PLXNC1: variants seen among roughly 807,000 people sequenced by gnomAD.
The protein encoded by PLXNC1 is plexin C1, also known as plexin-C1.
PLXNC1 carries 75 observed loss-of-function variants against 178.2 expected under a neutral mutation model. The observed-to-expected ratio is 0.42, with a 90% CI of 0.35 to 0.51. The LOEUF (loss-of-function observed/expected upper bound fraction) is 0.51, where lower values mean the gene tolerates loss of function less well. Among genes scored for constraint, PLXNC1 ranks in the 20% least tolerant of loss-of-function variants. PLXNC1 has a pLI of 0.02. For synonymous variants in PLXNC1, 790 were observed against 779.9 expected (o/e 1.01, Z -0.22); for missense variants, 1,503 against 1,984.4 (o/e 0.76, Z 4.61).
chr12:94,249,473 A>T (rs1337145658), intron 14 of PLXNC1, among the ~76,000 whole-genome samples: 2 of 152,118 alleles, frequency 1.3e-5, no homozygotes, highest in Non-Finnish European at 2.9e-5. Context: ...GCCTCAAGTG[A>T]TCTGCCTGCC....
intron 4 of PLXNC1, among the ~76,000 whole-genome samples, chr12:94,192,369 C>T (rs565545741): frequency 1.3e-5 from 2 of 151,850 alleles, no homozygotes. Context: ...AAGTCCTATG[C>T]TCAGTGCTCA....
intron 1 of PLXNC1, among the ~76,000 whole-genome samples, chr12:94,151,746 TGGAGC>T (rs1960966855): frequency 6.6e-6 from 1 of 152,240 alleles, no homozygotes; most frequent in Admixed American, 6.5e-5. Flanking sequence ...TGTCGATGTG[TGGAGC>T]CAAAACATTT....
intron 1 of PLXNC1, 94 bp downstream of exon 1, chr12:94,150,127 C>T (rs1179746971): frequency 9.4e-7 from 1 of 1,060,688 alleles, no homozygotes; most frequent in East Asian, 2.9e-5. Context: ...AGCGGCGGGG[C>T]GGGGGTACAG....
At chr12:94,231,528 G>A (rs923079760) in intron 9 of PLXNC1, among the ~76,000 whole-genome samples, 2 of 152,106 alleles carry the variant, frequency 1.3e-5, no homozygotes, top group African/African-American at 4.8e-5. Context: ...CAAGGATCTG[G>A]TACTTATGAG....
chr12:94,177,239 A>G (rs1172629988), intron 2 of PLXNC1, among the ~76,000 whole-genome samples: 3 of 135,160 alleles, frequency 2.2e-5, no homozygotes, highest in Non-Finnish European at 4.7e-5. Context: ...ACATATATAT[A>G]TATATATATA....
At chr12:94,199,021 A>G (rs1592756727) in intron 4 of PLXNC1, among the ~76,000 whole-genome samples, 2 of 152,326 alleles carry the variant, frequency 1.3e-5, no homozygotes. Flanking sequence ...AACATGTCAC[A>G]GAGTAAACAG....
At chr12:94,183,493 G>A (rs1352992409) in intron 3 of PLXNC1, among the ~76,000 whole-genome samples, 1 of 152,172 alleles carries the variant, frequency 6.6e-6, no homozygotes, top group Admixed American at 6.5e-5. Context: ...CCATTCCCAG[G>A]GTTTATTTAT....
intron 4 of PLXNC1, among the ~76,000 whole-genome samples, chr12:94,191,958 C>T (rs1349632528): frequency 1.3e-5 from 2 of 152,076 alleles, no homozygotes; most frequent in South Asian, 4.1e-4. Flanking sequence ...TTCTCAGTTT[C>T]TCCCATATTG....
chr12:94,174,755 G>T (rs1312149959), intron 2 of PLXNC1, among the ~76,000 whole-genome samples: 1 of 152,214 alleles, frequency 6.6e-6, no homozygotes, highest in African/African-American at 2.4e-5. Context: ...GGATGACTGA[G>T]CTAACAGACC....
intron 1 of PLXNC1, among the ~76,000 whole-genome samples, chr12:94,158,682 G>C (rs1224030386): frequency 2.0e-5 from 3 of 152,270 alleles, no homozygotes; most frequent in South Asian, 2.1e-4. Context: ...CATATTTGTA[G>C]TCCAACTGCT....
At chr12:94,175,334 A>G (rs1962010984) in intron 2 of PLXNC1, among the ~76,000 whole-genome samples, 1 of 152,234 alleles carries the variant, frequency 6.6e-6, no homozygotes, top group African/African-American at 2.4e-5. Flanking sequence ...TTTGGCATAA[A>G]ATATTATAGC....
chr12:94,188,235 A>T (rs1962590762), intron 4 of PLXNC1, among the ~76,000 whole-genome samples: 1 of 152,116 alleles, frequency 6.6e-6, no homozygotes, highest in African/African-American at 2.4e-5. Context: ...GGGACAGCTT[A>T]GAGAAGCTTT....
chr12:94,165,580 G>GGTGCTCTTATCATCATTTCCATCA (rs1555194459), intron 1 of PLXNC1, among the ~76,000 whole-genome samples: 1 of 152,142 alleles, frequency 6.6e-6, no homozygotes. Flanking sequence ...AAGAACTGCA[G>GGTGCTCTTATCATCATTTCCATCA]TTTAGTGTCC....
intron 21 of PLXNC1, among the ~76,000 whole-genome samples, chr12:94,266,191 A>G (rs1158265591): frequency 6.6e-6 from 1 of 152,170 alleles, no homozygotes; most frequent in Non-Finnish European, 1.5e-5. Flanking sequence ...TGGAGAAGGC[A>G]CCACTTTGCC....
At chr12:94,265,321 T>C in intron 21 of PLXNC1, 96 bp downstream of exon 21, 2 of 1,124,484 alleles carry the variant, frequency 1.8e-6, no homozygotes, top group Non-Finnish European at 2.6e-6. Flanking sequence ...CGGTATCATC[T>C]CTACTGCGGG....
At chr12:94,176,139 C>T (rs2098150661) in intron 2 of PLXNC1, among the ~76,000 whole-genome samples, 1 of 152,200 alleles carries the variant, frequency 6.6e-6, no homozygotes, top group Admixed American at 6.5e-5. Context: ...ATGCAAAATT[C>T]AACCCGTTTT....
At chr12:94,294,451 T>C in intron 23 of PLXNC1, 35 bp from the exon 24 acceptor site, 4 of 941,834 alleles carry the variant, frequency 4.2e-6, no homozygotes, top group Non-Finnish European at 6.7e-6. Flanking sequence ...CCATTAAATT[T>C]TGAACACTCA....
At chr12:94,297,042 G>GA (rs765397556) in intron 24 of PLXNC1, 147 bp from the exon 25 acceptor site, 4 of 717,758 alleles carry the variant, frequency 5.6e-6, no homozygotes, top group African/African-American at 1.8e-5. Flanking sequence ...GCAGCAGGGG[G>GA]AAAAATGTAG....
At chr12:94,214,420 A>G (rs1963584516) in intron 5 of PLXNC1, among the ~76,000 whole-genome samples, 1 of 152,182 alleles carries the variant, frequency 6.6e-6, no homozygotes, top group South Asian at 2.1e-4. Flanking sequence ...GAACTAAAAC[A>G]AGGAATTCCA....
Sources: allele counts gnomAD v4.1 joint callset (sites outside exome capture counted in the v4.1 genomes callset), GRCh38; gene constraint gnomAD v4.1.1; transcripts MANE v1.5; gene names NCBI Gene and HGNC (gene_info 2026-07-23, HGNC 2026-07-21).